IFT46: variants seen among roughly 807,000 people sequenced by gnomAD.
The protein encoded by IFT46 is intraflagellar transport protein 46 homolog.
In IFT46, 19 loss-of-function variants were observed where a neutral mutation model predicts 39.6. The observed-to-expected ratio is 0.48, with a 90% CI of 0.33 to 0.70. The LOEUF is 0.70. Among genes scored for constraint, IFT46 ranks in the 30% least tolerant of loss-of-function variants. IFT46 has a pLI of 0.01. For synonymous variants in IFT46, 117 were observed against 134.8 expected (o/e 0.87, Z 0.91); for missense variants, 334 against 364.8 (o/e 0.92, Z 0.69).
chr11:118,559,999 G>A, intron 2 of IFT46, 135 bp from the exon 3 acceptor site: 1 of 624,528 alleles, frequency 1.6e-6, no homozygotes, highest in East Asian at 2.7e-5. Flanking sequence ...AAAGAGACAG[G>A]AGACTGAATT....
chr11:118,553,362 A>T (rs1215538450), intron 7 of IFT46, among the ~76,000 whole-genome samples: 3 of 148,224 alleles, frequency 2.0e-5, no homozygotes, highest in Non-Finnish European at 4.5e-5. Context: ...AATCGCTTGA[A>T]CCCGGGAGGT....
chr11:118,554,527 T>C lies in IFT46; in HGVS notation c.415A>G (p.Thr139Ala), dbSNP rs371956030. ...AGCACCGTAGGGTCTGACTGCTTTG[T>C]AGAAGGTTCATCCAATACCAATAGG... ...LGLLVLDEPS[T>A]KQSDPTVLSL... The change falls in exon 7 of 12, where the codon ACA becomes GCA. Residue 139 changes from threonine to alanine, a missense_variant. Thr to Ala is a moderately conservative substitution (Grantham distance 58). Coordinates refer to ENST00000264021, the MANE Select transcript of IFT46 (RefSeq NM_001168618.2). 1 of 1,613,672 alleles carries C rather than the reference T, an allele frequency of 6.2e-7. No homozygotes were observed. The highest frequency in any genetic ancestry group is 8.5e-7 in the Non-Finnish European group (1 of 1,179,902).
chr11:118,557,840 C>A (rs1555069857), intron 3 of IFT46: 1 of 1,613,918 alleles, frequency 6.2e-7, no homozygotes, highest in Non-Finnish European at 8.5e-7. Flanking sequence ...GAACAGGGTC[C>A]ATGTCTTTGC....
At chr11:118,572,139 G>A (rs1163043626) in intron 1 of IFT46, among the ~76,000 whole-genome samples, 1 of 151,800 alleles carries the variant, frequency 6.6e-6, no homozygotes, top group Non-Finnish European at 1.5e-5. Context: ...TGGTCTTTTA[G>A]GCACACAGGT....
chr11:118,573,854 G>A (rs944390475), upstream of IFT46: 8 of 514,270 alleles, frequency 1.6e-5, no homozygotes, highest in Non-Finnish European at 2.8e-5. Context: ...CCAGAAACTT[G>A]TATTTTCAGT....
intron 3 of IFT46, among the ~76,000 whole-genome samples, chr11:118,558,332 C>A (rs782754888): frequency 6.6e-6 from 1 of 152,218 alleles, no homozygotes; most frequent in Non-Finnish European, 1.5e-5. Context: ...GGTGGTGGCT[C>A]ATGCCTGTAA....
At chr11:118,554,693 T>A in intron 6 of IFT46, 106 bp from the exon 7 acceptor site, 1 of 1,226,994 alleles carries the variant, frequency 8.2e-7, no homozygotes, top group Non-Finnish European at 1.1e-6. Flanking sequence ...AGCATGCTTA[T>A]CATGCTGTAC....
chr11:118,571,033 G>A (rs1938325903), upstream of IFT46, among the ~76,000 whole-genome samples: 1 of 151,920 alleles, frequency 6.6e-6, no homozygotes. Context: ...ATGCCACCAT[G>A]CCTGGCTTAA....
At chr11:118,576,320 C>T (rs1938501297), upstream of IFT46, among the ~76,000 whole-genome samples, 1 of 147,006 alleles carries the variant, frequency 6.8e-6, no homozygotes, top group African/African-American at 2.5e-5. Context: ...TTTTAACCGT[C>T]CTGGAGAGAT....
At chr11:118,557,968 A>G (rs1591367983) in intron 3 of IFT46, 1 of 1,243,274 alleles carries the variant, frequency 8.0e-7, no homozygotes, top group Non-Finnish European at 1.1e-6. Flanking sequence ...GCTTATACTG[A>G]GGTTAACACG....
intron 2 of IFT46, among the ~76,000 whole-genome samples, chr11:118,563,983 G>C (rs782338259): frequency 6.6e-6 from 1 of 150,432 alleles, no homozygotes; most frequent in Non-Finnish European, 1.5e-5. Flanking sequence ...AGGTGGATCA[G>C]TTGGGGTCAG....
chr11:118,554,959 A>G, intron 6 of IFT46, 31 bp downstream of exon 6: 1 of 1,449,854 alleles, frequency 6.9e-7, no homozygotes, highest in Non-Finnish European at 9.7e-7. Flanking sequence ...GAAACACTTA[A>G]GGAGTCATTT....
At chr11:118,565,370 T>G (rs1422797599) in intron 1 of IFT46, among the ~76,000 whole-genome samples, 2 of 151,242 alleles carry the variant, frequency 1.3e-5, no homozygotes, top group African/African-American at 2.4e-5. Flanking sequence ...GGCAGAACAC[T>G]ATTTGTATGT....
intron 9 of IFT46, among the ~76,000 whole-genome samples, chr11:118,548,030 G>C (rs1951734430): frequency 6.9e-6 from 1 of 145,674 alleles, no homozygotes; most frequent in Non-Finnish European, 1.5e-5. Context: ...ACAGGCGTGA[G>C]CCACCACGCC....
At chr11:118,557,607 C>G in intron 3 of IFT46, 1 of 1,100,466 alleles carries the variant, frequency 9.1e-7, no homozygotes, top group Non-Finnish European at 1.3e-6. Context: ...CATTTTTGTT[C>G]AGTGATATTT....
intron 9 of IFT46, among the ~76,000 whole-genome samples, chr11:118,547,754 T>C (rs1555067503): frequency 6.9e-6 from 1 of 145,676 alleles, no homozygotes; most frequent in Non-Finnish European, 1.5e-5. Flanking sequence ...CTTTTTTTTT[T>C]TTTTTTTTTT....
chr11:118,548,773 G>A (rs546160340), intron 9 of IFT46, among the ~76,000 whole-genome samples: 3 of 151,508 alleles, frequency 2.0e-5, no homozygotes, highest in African/African-American at 7.3e-5. Flanking sequence ...TTACAGGTGT[G>A]AGCCACTGCA....
intron 2 of IFT46, chr11:118,560,376 T>C (rs1039621370): frequency 5.7e-6 from 1 of 174,904 alleles, no homozygotes; most frequent in Admixed American, 6.0e-5. Context: ...CAGTGTCCAG[T>C]GTTCATGCTG....
At chr11:118,572,089 CAAAA>C (rs782363912) in intron 1 of IFT46, among the ~76,000 whole-genome samples, 1 of 94,998 alleles carries the variant, frequency 1.1e-5, no homozygotes, top group Non-Finnish European at 2.3e-5. Context: ...GACTCCATCT[CAAAA>C]AAAAAAAAAA....
Sources: allele counts gnomAD v4.1 joint callset (sites outside exome capture counted in the v4.1 genomes callset), GRCh38; gene constraint gnomAD v4.1.1; transcripts MANE v1.5; gene names NCBI Gene and HGNC (gene_info 2026-07-23, HGNC 2026-07-21).